CHLSN: variants seen among roughly 807,000 people sequenced by gnomAD.
CHLSN encodes protein cholesin.
the CHLSN span, among the ~76,000 whole-genome samples, chr7:1,021,193 G>C: frequency 2.6e-5 from 4 of 151,424 alleles, no homozygotes; most frequent in East Asian, 7.8e-4. Flanking sequence ...CCTCCAGGTT[G>C]GGGACCTCCA....
chr7:1,117,356 T>C, the CHLSN span, among the ~76,000 whole-genome samples: 5 of 88,216 alleles, frequency 5.7e-5, no homozygotes, highest in Non-Finnish European at 1.1e-4. Flanking sequence ...GATGATGACA[T>C]CACTGCAGCT....
the CHLSN span, among the ~76,000 whole-genome samples, chr7:1,104,059 A>G: frequency 5.2e-3 from 792 of 152,320 alleles, 4 homozygotes; most frequent in African/African-American, 0.018. Flanking sequence ...AGGCTCTGCC[A>G]TGGCACCCAC....
the CHLSN span, chr7:1,059,097 T>C: frequency 2.3e-5 from 4 of 171,964 alleles, no homozygotes; most frequent in Non-Finnish European, 4.2e-5. Flanking sequence ...AATGGAGCTA[T>C]TCAATAGCAG....
At chr7:1,013,173 C>G in the CHLSN span, among the ~76,000 whole-genome samples, 1,797 of 152,346 alleles carry the variant, frequency 0.012, 31 homozygotes, top group African/African-American at 0.04. Context: ...GGTAGGACGG[C>G]TGTCACCCAC....
the CHLSN span, among the ~76,000 whole-genome samples, chr7:1,045,991 A>C: frequency 1.3e-5 from 2 of 152,252 alleles, no homozygotes; most frequent in African/African-American, 4.8e-5. Flanking sequence ...CCTGCAACTC[A>C]TAAGCCCCAG....
chr7:1,077,289 G>A, the CHLSN span, among the ~76,000 whole-genome samples: 2 of 152,232 alleles, frequency 1.3e-5, no homozygotes, highest in African/African-American at 4.8e-5. Context: ...CCAAGTAGCT[G>A]GGACTACAGG....
chr7:1,009,044 CACACGT>C, the CHLSN span, among the ~76,000 whole-genome samples: 19 of 151,994 alleles, frequency 1.3e-4, no homozygotes, highest in East Asian at 3.1e-3. Flanking sequence ...CACACATGCA[CACACGT>C]ACACGTGCAC....
chr7:1,010,940 A>C, the CHLSN span, among the ~76,000 whole-genome samples: 2 of 152,022 alleles, frequency 1.3e-5, no homozygotes, highest in Non-Finnish European at 2.9e-5. Context: ...GGAATCAACC[A>C]GGCAGCGCCC....
At chr7:987,269 A>G in the CHLSN span, 4 of 1,504,922 alleles carry the variant, frequency 2.7e-6, no homozygotes, top group East Asian at 9.9e-5. Context: ...GCCTGGCGAG[A>G]CGGCTCCTTC....
At chr7:992,178 C>T in the CHLSN span, among the ~76,000 whole-genome samples, 8 of 151,434 alleles carry the variant, frequency 5.3e-5, no homozygotes, top group South Asian at 4.2e-4. Flanking sequence ...ACGCCGACCC[C>T]GGCCCCTGTA....
the CHLSN span, among the ~76,000 whole-genome samples, chr7:1,131,055 G>A: frequency 2.0e-5 from 3 of 152,024 alleles, no homozygotes; most frequent in Non-Finnish European, 4.4e-5. Flanking sequence ...GCTACGCTTG[G>A]TGGTGCACAC....
the CHLSN span, among the ~76,000 whole-genome samples, chr7:1,017,719 C>T: frequency 6.6e-6 from 1 of 151,800 alleles, no homozygotes; most frequent in Non-Finnish European, 1.5e-5. Flanking sequence ...CGCGGGCAGC[C>T]GCGGACGGCG....
At chr7:1,122,042 C>T in the CHLSN span, among the ~76,000 whole-genome samples, 3 of 152,362 alleles carry the variant, frequency 2.0e-5, no homozygotes, top group African/African-American at 4.8e-5. Context: ...ACTGAGGCTC[C>T]GCCGGCTCGC....
At chr7:1,135,494 C>T in the CHLSN span, among the ~76,000 whole-genome samples, 6 of 151,764 alleles carry the variant, frequency 4.0e-5, no homozygotes, top group African/African-American at 9.7e-5. Context: ...TGGCCGGGCA[C>T]GGTGGCTCAC....
At chr7:1,135,706 A>G in the CHLSN span, among the ~76,000 whole-genome samples, 1 of 150,272 alleles carries the variant, frequency 6.7e-6, no homozygotes, top group Non-Finnish European at 1.5e-5. Context: ...TGGAGGTTGC[A>G]GTGAGCCGAG....
chr7:1,115,505 G>T, the CHLSN span, among the ~76,000 whole-genome samples: 1 of 150,338 alleles, frequency 6.7e-6, no homozygotes, highest in Non-Finnish European at 1.5e-5. Flanking sequence ...CAGCTCTACG[G>T]ACCGGCTTCC....
the CHLSN span, among the ~76,000 whole-genome samples, chr7:993,311 G>A: frequency 6.6e-6 from 1 of 152,202 alleles, no homozygotes; most frequent in Non-Finnish European, 1.5e-5. Flanking sequence ...TGTGACTGGA[G>A]CAAGAGCCGA....
At chr7:1,010,768 A>G in the CHLSN span, among the ~76,000 whole-genome samples, 2 of 152,172 alleles carry the variant, frequency 1.3e-5, no homozygotes, top group Non-Finnish European at 2.9e-5. Flanking sequence ...TTAACAAAAG[A>G]AGAGGACGGT....
chr7:991,154 G>A, the CHLSN span, among the ~76,000 whole-genome samples: 1,226 of 152,172 alleles, frequency 8.1e-3, 12 homozygotes, highest in African/African-American at 0.028. Context: ...GTCCCGCCCC[G>A]CTTCATGGAG....
Sources: allele counts gnomAD v4.1 joint callset (sites outside exome capture counted in the v4.1 genomes callset), GRCh38; gene constraint gnomAD v4.1.1; transcripts MANE v1.5; gene names NCBI Gene and HGNC (gene_info 2026-07-23, HGNC 2026-07-21).